The following RAI1 variants were observed in gnomAD, a reference collection of about 807,000 sequenced individuals.
RAI1 encodes retinoic acid-induced protein 1.
In RAI1, 9 loss-of-function variants were observed where a neutral mutation model predicts 123.8. The observed-to-expected ratio is 0.07, with a 90% CI of 0.04 to 0.13. The LOEUF (loss-of-function observed/expected upper bound fraction) is 0.13. RAI1 is among the 10% of genes least tolerant of loss of function. The probability of loss-of-function intolerance (pLI) is 1.00; values close to 1 mark genes in which losing one functional copy is unlikely to be tolerated. For synonymous variants in RAI1, 1,231 were observed against 1,127.3 expected (o/e 1.09, Z -1.84); for missense variants, 2,256 against 2,545.8 (o/e 0.89, Z 2.45).
At chr17:17,778,121 C>T (rs937197345) in intron 2 of RAI1, 1 of 152,642 alleles carries the variant, frequency 6.6e-6, no homozygotes, top group Non-Finnish European at 1.5e-5. Context: ...CCACCTGACC[C>T]GCTGCATCAA....
chr17:17,694,064 C>G (rs1001098790), intron 1 of RAI1, among the ~76,000 whole-genome samples: 2 of 152,256 alleles, frequency 1.3e-5, no homozygotes, highest in Admixed American at 6.5e-5. Context: ...TCATCCTACC[C>G]TTGTCCCGTC....
chr17:17,723,276 A>G (rs1366506025), intron 1 of RAI1, among the ~76,000 whole-genome samples: 6 of 149,700 alleles, frequency 4.0e-5, no homozygotes, highest in Admixed American at 4.0e-4. Flanking sequence ...ACACAGCCCC[A>G]CGCAGCGCCA....
intron 1 of RAI1, among the ~76,000 whole-genome samples, chr17:17,708,783 C>T (rs1915472514): frequency 2.0e-5 from 3 of 152,230 alleles, no homozygotes. Flanking sequence ...GTCCCAGTCA[C>T]AGGCTGGGCA....
intron 2 of RAI1, among the ~76,000 whole-genome samples, chr17:17,786,415 A>C (rs2031829651): frequency 6.6e-6 from 1 of 152,248 alleles, no homozygotes; most frequent in Non-Finnish European, 1.5e-5. Context: ...CCTTGCTCTC[A>C]TGGAACTTTT....
At chr17:17,774,453 C>T (rs955343702) in intron 2 of RAI1, among the ~76,000 whole-genome samples, 1 of 152,276 alleles carries the variant, frequency 6.6e-6, no homozygotes, top group Admixed American at 6.5e-5. Flanking sequence ...GCCGCAGGGG[C>T]CTCCGGCCCG....
chr17:17,717,436 C>T (rs1915744334), intron 1 of RAI1, among the ~76,000 whole-genome samples: 1 of 152,034 alleles, frequency 6.6e-6, no homozygotes, highest in Admixed American at 6.5e-5. Flanking sequence ...CAGGACCGTG[C>T]CAGGGTGAGC....
chr17:17,758,683 C>T (rs1340966016), intron 2 of RAI1, among the ~76,000 whole-genome samples: 3 of 152,176 alleles, frequency 2.0e-5, no homozygotes, highest in East Asian at 1.9e-4. Context: ...AGGAGACAGA[C>T]GCGCCAACCC....
intron 1 of RAI1, among the ~76,000 whole-genome samples, chr17:17,702,041 TG>T (rs1915240254): frequency 6.6e-6 from 1 of 152,214 alleles, no homozygotes; most frequent in Non-Finnish European, 1.5e-5. Context: ...CTGGGAAGGC[TG>T]GGAGAGGCTT....
chr17:17,795,869 A>G lies in RAI1; in HGVS notation c.2921A>G (p.Gln974Arg). Residue 974 changes from glutamine to arginine, a missense_variant, in exon 3 of 6, where the codon CAG (glutamine) becomes CGG (arginine). Physicochemically the swap from Gln to Arg is conservative, Grantham distance 43. Around this residue, in one of 7 missense-constraint regions of RAI1, gnomAD observed 566 missense variants for 616.0 expected, o/e 0.92. Transcript: ENST00000353383. This position sits in a 1 kb window ranked among gnomAD's most constrained non-coding sequence, Gnocchi z 5.9. ...DSTTSDASLA[Q>R]KPNKPAVPEA... ...ACCACCTCGGACGCCTCTCTGGCCC[A>G]GAAGCCCAACAAGCCTGCTGTGCCC... 6.2e-7 allele frequency: 1 copy of G among 1,612,884 alleles called. No individual in the cohort carries two copies. The highest frequency in any genetic ancestry group is 2.2e-5 in the East Asian group (1 of 44,880).
Position 17,810,116 on chromosome 17 carries a change from GTCCCGGATCGTGGATCCGGC to G in RAI1, c.*136_*155del. 7.9e-7 allele frequency: 1 copy of G among 1,264,614 alleles called. No homozygotes were observed. The allele number at this position is 1,264,614 out of a possible 1,614,324, so 78.3% of individuals were successfully genotyped here. ...GGTCCAGAGCCGATCCTTGATCCGG[GTCCCGGATCGTGGATCCGGC>G]CGCCTAGGGCTCAGACTTGCGGCCC... On this transcript the variant is annotated 3_prime_UTR_variant, in exon 6 of 6. Transcript: ENST00000353383. The surrounding 1 kb of genome is among the most constrained non-coding windows in gnomAD (Gnocchi z 4.6).
intron 1 of RAI1, among the ~76,000 whole-genome samples, chr17:17,723,394 G>A (rs899389397): frequency 9.2e-5 from 13 of 141,838 alleles, no homozygotes; most frequent in African/African-American, 2.9e-4. Context: ...GAAATATACA[G>A]CCACATTGAT....
At chr17:17,761,255 T>C (rs1380193953) in intron 2 of RAI1, among the ~76,000 whole-genome samples, 1 of 152,104 alleles carries the variant, frequency 6.6e-6, no homozygotes, top group Non-Finnish European at 1.5e-5. Context: ...TAAGGCTTTT[T>C]TTTTTTTTTT....
chr17:17,771,878 T>C (rs1025144655), intron 2 of RAI1, among the ~76,000 whole-genome samples: 3 of 152,132 alleles, frequency 2.0e-5, no homozygotes, highest in African/African-American at 4.8e-5. Flanking sequence ...GCCACCACCA[T>C]ACAGGCCTGG....
intron 2 of RAI1, among the ~76,000 whole-genome samples, chr17:17,728,266 T>G (rs1453276694): frequency 6.7e-6 from 1 of 148,376 alleles, no homozygotes; most frequent in Non-Finnish European, 1.5e-5. Context: ...AGGTTGTGGC[T>G]GGGTGGGCGA....
At position 17,697,918 on chromosome 17, in the gene RAI1, C is replaced by G. The variant is rs544789530; in HGVS notation, c.-149+16125C>G. 5.3e-5 allele frequency among the ~76,000 whole-genome samples: 8 copies of G among 152,284 alleles called. No individual in the cohort carries two copies. The East Asian group carries it at 1.5e-3, about 29-fold the overall frequency. On this transcript the variant is annotated intron_variant, in intron 1 of 5. Coordinates refer to ENST00000353383, the MANE Select transcript of RAI1 (RefSeq NM_030665.4). ...GTGTGCATGTCCTGTGGTGTGAGAC[C>G]TGGATCTCTCTCACCCACTTTTCAT...
In RAI1 at chr17:17,699,173, C is replaced by CGT. The variant is rs778906627; in HGVS notation, c.-149+17381_-149+17382dup. Among the ~76,000 whole-genome samples, 290 of 152,322 alleles carry CGT rather than the reference C, an allele frequency of 1.9e-3. 3 individuals are homozygous for CGT. Among genetic ancestry groups the CGT allele is most frequent in the Non-Finnish European group, 2.2e-3 (153 of 68,028 alleles). On this transcript the variant is annotated intron_variant, in intron 1 of 5. Transcript: ENST00000353383. Reference sequence around the variant, plus strand: ...AGGCTGGTGGCTTCCTTCTGGCTCCCGTCACCTCTGAGTGGAACTCAGGCA... The same window carrying CGT: ...AGGCTGGTGGCTTCCTTCTGGCTCCCGTGTCACCTCTGAGTGGAACTCAGGCA...
intron 1 of RAI1, among the ~76,000 whole-genome samples, chr17:17,693,023 T>C: frequency 6.6e-6 from 1 of 152,262 alleles, no homozygotes. Flanking sequence ...GTATTTATTT[T>C]TCTTTGCCTG....
intron 2 of RAI1, among the ~76,000 whole-genome samples, chr17:17,732,449 C>T (rs1297367549): frequency 6.6e-6 from 1 of 152,178 alleles, no homozygotes; most frequent in Non-Finnish European, 1.5e-5. Context: ...ACTGGATCTG[C>T]CATTCACTTA....
intron 2 of RAI1, among the ~76,000 whole-genome samples, chr17:17,757,530 G>A (rs1207666385): frequency 6.6e-6 from 1 of 152,152 alleles, no homozygotes; most frequent in Non-Finnish European, 1.5e-5. Flanking sequence ...CGGGCACTGC[G>A]GCTTTCTTGG....
Sources: gnomAD v4.1 joint callset for allele counts (sites outside exome capture counted in the v4.1 genomes callset) on GRCh38, gnomAD v4.1.1 for gene constraint, gnomAD v4.1.1 regional missense constraint, Gnocchi (gnomAD v3.1) non-coding constraint, MANE v1.5 for transcripts, NCBI Gene and HGNC (gene_info 2026-07-23, HGNC 2026-07-21) for gene names.